SMIM31: variants seen among roughly 807,000 people sequenced by gnomAD.
SMIM31 encodes the protein human epithelial cell program regulator.
chr4:164,789,267 T>C (rs1733069888), intron 2 of SMIM31, among the ~76,000 whole-genome samples: 1 of 152,204 alleles, frequency 6.6e-6, no homozygotes, highest in Admixed American at 6.5e-5. Context: ...AGCATTGGTG[T>C]TAAGCACTGA....
intron 2 of SMIM31, among the ~76,000 whole-genome samples, chr4:164,772,923 G>T (rs190204154): frequency 2.0e-5 from 3 of 148,994 alleles, no homozygotes; most frequent in African/African-American, 7.4e-5. Context: ...CAGCTAATAC[G>T]ACAGAGAGCC....
intron 2 of SMIM31, among the ~76,000 whole-genome samples, chr4:164,791,580 C>T (rs1250379229): frequency 1.3e-5 from 2 of 152,178 alleles, no homozygotes; most frequent in African/African-American, 4.8e-5. Flanking sequence ...AAGCAATCCA[C>T]TTGCCTTAGC....
At chr4:164,770,257 C>T (rs1211158784) in intron 1 of SMIM31, among the ~76,000 whole-genome samples, 162 bp from the exon 2 acceptor site, 1 of 152,214 alleles carries the variant, frequency 6.6e-6, no homozygotes, top group East Asian at 1.9e-4. Context: ...AACAAGAGCA[C>T]AGTCCATTCT....
chr4:164,791,376 A>T (rs1055188844), intron 2 of SMIM31, among the ~76,000 whole-genome samples: 5 of 152,306 alleles, frequency 3.3e-5, no homozygotes, highest in African/African-American at 9.6e-5. Flanking sequence ...TCTGTTGCCT[A>T]GGCTGGACTG....
At chr4:164,785,650 G>A (rs141348871) in intron 2 of SMIM31, among the ~76,000 whole-genome samples, 10,978 of 97,464 alleles carry the variant, frequency 0.11, 432 homozygotes, top group African/African-American at 0.16. Flanking sequence ...GTGTGTGTGT[G>A]TATATATATA....
At position 164,790,899 on chromosome 4, in the gene SMIM31, T is replaced by A. The variant is rs545364314; in HGVS notation, c.113-10192T>A. Among the ~76,000 whole-genome samples, 3 of 152,274 alleles carry A rather than the reference T, an allele frequency of 2.0e-5. No homozygotes were observed. In the South Asian group the frequency reaches 6.2e-4, roughly 32 times the overall value. ...TATATTCAAAGAAAAATACGTATGG[T>A]CAATCAACAAATAGATTATAGACCT... On this transcript the variant is annotated intron_variant, in intron 2 of 2. Transcript: ENST00000507311.
intron 1 of SMIM31, among the ~76,000 whole-genome samples, chr4:164,758,011 G>A (rs1305214851): frequency 6.6e-6 from 1 of 152,044 alleles, no homozygotes; most frequent in Non-Finnish European, 1.5e-5. Context: ...TAACAATATT[G>A]AGTCTTCCAA....
At chr4:164,796,105 C>T (rs1420640953) in intron 2 of SMIM31, among the ~76,000 whole-genome samples, 3 of 152,256 alleles carry the variant, frequency 2.0e-5, no homozygotes, top group South Asian at 2.1e-4. Flanking sequence ...AAAATATAAG[C>T]GAACTTGAAT....
intron 2 of SMIM31, among the ~76,000 whole-genome samples, chr4:164,790,893 G>A (rs577755488): frequency 2.6e-5 from 4 of 152,176 alleles, no homozygotes; most frequent in Non-Finnish European, 5.9e-5. Context: ...AGAAAAATAC[G>A]TATGGTCAAT....
intron 1 of SMIM31, among the ~76,000 whole-genome samples, chr4:164,758,624 TTTTTTG>T (rs1341411519): frequency 8.0e-6 from 1 of 124,848 alleles, no homozygotes; most frequent in Non-Finnish European, 1.7e-5. Context: ...TAGTTTTCCT[TTTTTTG>T]TTTTTTTTTT....
chr4:164,762,253 T>C (rs184252507), intron 1 of SMIM31, among the ~76,000 whole-genome samples: 4 of 152,256 alleles, frequency 2.6e-5, no homozygotes, highest in Admixed American at 2.0e-4. Flanking sequence ...GAATAATCTC[T>C]GCAAAATTTT....
At chr4:164,800,634 C>G (rs943681475) in intron 2 of SMIM31, among the ~76,000 whole-genome samples, 5 of 152,150 alleles carry the variant, frequency 3.3e-5, no homozygotes, top group African/African-American at 4.8e-5. Flanking sequence ...TGACAATGCC[C>G]CTCAGGCTTA....
chr4:164,797,883 C>A (rs1338702586), intron 2 of SMIM31, among the ~76,000 whole-genome samples: 1 of 152,132 alleles, frequency 6.6e-6, no homozygotes, highest in African/African-American at 2.4e-5. Flanking sequence ...TCACTACTCT[C>A]CCACCCTCCC....
At chr4:164,784,700 G>A (rs1226768325) in intron 2 of SMIM31, among the ~76,000 whole-genome samples, 1 of 152,122 alleles carries the variant, frequency 6.6e-6, no homozygotes, top group African/African-American at 2.4e-5. Context: ...TCCTACTTAT[G>A]AGCCTGAGAA....
At chr4:164,798,681 C>T (rs371269501) in intron 2 of SMIM31, among the ~76,000 whole-genome samples, 23 of 152,196 alleles carry the variant, frequency 1.5e-4, no homozygotes, top group South Asian at 1.5e-3. Context: ...GTCCGAAGAC[C>T]GGAGAACCAG....
At chr4:164,782,372 CTTTTATTTTTT>C (rs1389121524) in intron 2 of SMIM31, among the ~76,000 whole-genome samples, 49 of 135,876 alleles carry the variant, frequency 3.6e-4, no homozygotes, top group African/African-American at 1.6e-3. Context: ...TTATCTCTTT[CTTTTATTTTTT>C]TTTTTTTTTT....
intron 2 of SMIM31, among the ~76,000 whole-genome samples, chr4:164,778,731 A>G (rs1363997973): frequency 6.6e-6 from 1 of 152,138 alleles, no homozygotes; most frequent in Non-Finnish European, 1.5e-5. Context: ...CTCGGTGAGC[A>G]TGATCATGGC....
intron 1 of SMIM31, among the ~76,000 whole-genome samples, chr4:164,758,280 G>C (rs1732593276): frequency 6.6e-6 from 1 of 152,012 alleles, no homozygotes; most frequent in Admixed American, 6.6e-5. Flanking sequence ...AAATTCTTAG[G>C]ATTTTTTACA....
intron 1 of SMIM31, among the ~76,000 whole-genome samples, chr4:164,762,678 A>AAAAAG (rs1553964900): frequency 2.9e-5 from 4 of 138,266 alleles, no homozygotes; most frequent in Non-Finnish European, 4.7e-5. Flanking sequence ...AAAAAAAAAA[A>AAAAAG]AAAAAGAAAA....
Sources: gnomAD v4.1 joint callset for allele counts (sites outside exome capture counted in the v4.1 genomes callset) on GRCh38, gnomAD v4.1.1 for gene constraint, MANE v1.5 for transcripts, NCBI Gene and HGNC (gene_info 2026-07-23, HGNC 2026-07-21) for gene names.